Variants in FOXN3 observed in about 807,000 individuals in gnomAD.
The protein encoded by FOXN3 is forkhead box protein N3.
In FOXN3, 7 loss-of-function variants were observed where a neutral mutation model predicts 38.4. The ratio of observed to expected loss-of-function variants is 0.18; its 90% CI spans 0.10 to 0.34. The LOEUF (loss-of-function observed/expected upper bound fraction) is 0.34, where lower values mean the gene tolerates loss of function less well. Among genes scored for constraint, FOXN3 ranks in the 10% least tolerant of loss-of-function variants. The probability of loss-of-function intolerance (pLI) is 1.00; values close to 1 mark genes in which losing one functional copy is unlikely to be tolerated. For missense variants in FOXN3, 456 were observed against 613.4 expected (o/e 0.74, Z 2.71); for synonymous variants, 230 against 242.2 (o/e 0.95, Z 0.47).
intron 4 of FOXN3, among the ~76,000 whole-genome samples, chr14:89,253,940 G>A (rs774411013): frequency 7.9e-5 from 12 of 152,130 alleles, no homozygotes; most frequent in Admixed American, 7.9e-4. Flanking sequence ...GGGATCTATG[G>A]CCATGGCCCA....
At chr14:89,509,786 G>A (rs936318877) in intron 1 of FOXN3, among the ~76,000 whole-genome samples, 2 of 152,240 alleles carry the variant, frequency 1.3e-5, no homozygotes, top group Non-Finnish European at 2.9e-5. Flanking sequence ...ACTGTAAAGT[G>A]CCAACCATCA....
chr14:89,606,722 C>T (rs182867591), intron 1 of FOXN3, among the ~76,000 whole-genome samples: 10 of 152,122 alleles, frequency 6.6e-5, no homozygotes, highest in Non-Finnish European at 1.3e-4. Context: ...TGGTGGCGCA[C>T]GCCTGTAATC....
chr14:89,252,067 C>T (rs1885475631), intron 4 of FOXN3, among the ~76,000 whole-genome samples: 1 of 152,228 alleles, frequency 6.6e-6, no homozygotes, highest in Non-Finnish European at 1.5e-5. Flanking sequence ...GCCACTTTTA[C>T]ACTTGGCCAT....
chr14:89,475,044 G>A (rs973687293), intron 1 of FOXN3, among the ~76,000 whole-genome samples: 12 of 152,056 alleles, frequency 7.9e-5, no homozygotes, highest in African/African-American at 2.9e-4. Flanking sequence ...TCGAACTCCT[G>A]ACCTCGTGAT....
Position 89,360,750 on chromosome 14 carries a change from A to AG in FOXN3, c.544-9943_544-9942insC, listed in dbSNP as rs1889483104. ...CACCACCACCTCCAGCACCACCTCC[A>AG]CCACCACCTCCACCACTACCACCTC... On this transcript the variant is annotated intron_variant, in intron 2 of 5. Coordinates refer to ENST00000557258, the MANE Select transcript of FOXN3 (RefSeq NM_005197.4). Among the ~76,000 whole-genome samples, 6 of 119,902 alleles carry AG rather than the reference A, an allele frequency of 5.0e-5. 1 individual carries two copies. The highest frequency in any genetic ancestry group is 1.1e-4 in the African/African-American group (3 of 27,302). The allele number at this position is 119,902 out of a possible 152,430, so 78.7% of individuals were successfully genotyped here.
intron 1 of FOXN3, among the ~76,000 whole-genome samples, chr14:89,532,224 G>C (rs898055534): frequency 2.0e-5 from 3 of 152,156 alleles, no homozygotes; most frequent in African/African-American, 4.8e-5. Flanking sequence ...ATTTCAAAAG[G>C]TCTGCAATGC....
chr14:89,597,542 G>A (rs142509666), intron 1 of FOXN3, among the ~76,000 whole-genome samples: 174 of 152,250 alleles, frequency 1.1e-3, no homozygotes, highest in African/African-American at 3.8e-3. Context: ...ACCAATTACT[G>A]AGAGGTGTTT....
intron 1 of FOXN3, among the ~76,000 whole-genome samples, chr14:89,529,822 CCT>C (rs1365432616): frequency 4.6e-5 from 7 of 152,154 alleles, no homozygotes; most frequent in African/African-American, 1.4e-4. Context: ...GGGAGGATCC[CCT>C]GAGCCCAGGA....
At chr14:89,278,375 T>C (rs12888262) in intron 4 of FOXN3, among the ~76,000 whole-genome samples, 115,757 of 152,032 alleles carry the variant, frequency 0.76, 44,980 homozygotes, top group East Asian at 0.96. Context: ...GGAGCTACAA[T>C]TCAAGATGAG....
At chr14:89,262,752 A>C (rs1164078758) in intron 4 of FOXN3, among the ~76,000 whole-genome samples, 1 of 152,016 alleles carries the variant, frequency 6.6e-6, no homozygotes, top group Non-Finnish European at 1.5e-5. Context: ...TTTTTTTATT[A>C]CAACACATTC....
intron 4 of FOXN3, among the ~76,000 whole-genome samples, chr14:89,245,719 TCA>T (rs1035692295): frequency 3.3e-5 from 5 of 152,150 alleles, no homozygotes; most frequent in African/African-American, 1.2e-4. Flanking sequence ...GCTTCAAAAT[TCA>T]CATTTTTCCT....
At chr14:89,322,229 C>G (rs1013541133) in intron 3 of FOXN3, among the ~76,000 whole-genome samples, 30 of 152,196 alleles carry the variant, frequency 2.0e-4, no homozygotes, top group African/African-American at 7.0e-4. Flanking sequence ...AATCTCACAG[C>G]TTGAACAGTA....
chr14:89,567,095 G>A (rs10146976), intron 1 of FOXN3, among the ~76,000 whole-genome samples: 40,834 of 152,036 alleles, frequency 0.27, 5,800 homozygotes, highest in East Asian at 0.46. Flanking sequence ...ATCCAGGTGC[G>A]TTCCCTAAAA....
At chr14:89,617,215 A>G (rs936841386) in intron 1 of FOXN3, among the ~76,000 whole-genome samples, 2 of 152,244 alleles carry the variant, frequency 1.3e-5, no homozygotes, top group Non-Finnish European at 2.9e-5. Flanking sequence ...AACTTCTGGG[A>G]CAGTGCTTCT....
chr14:89,559,411 C>A (rs1441649809), intron 1 of FOXN3, among the ~76,000 whole-genome samples: 1 of 152,056 alleles, frequency 6.6e-6, no homozygotes, highest in Non-Finnish European at 1.5e-5. Context: ...GGCGTGGTGG[C>A]TCACGCCTGT....
intron 4 of FOXN3, among the ~76,000 whole-genome samples, chr14:89,248,192 T>C (rs2139874893): frequency 6.6e-6 from 1 of 152,346 alleles, no homozygotes; most frequent in South Asian, 2.1e-4. Context: ...GTCTTCCCAC[T>C]ACACTATAAA....
chr14:89,181,249 T>C (rs1173159319), intron 4 of FOXN3, among the ~76,000 whole-genome samples: 1 of 151,930 alleles, frequency 6.6e-6, no homozygotes, highest in Non-Finnish European at 1.5e-5. Flanking sequence ...TAGTATTTTC[T>C]CACATTTATT....
At chr14:89,406,821 T>C (rs1348040080) in intron 2 of FOXN3, among the ~76,000 whole-genome samples, 1 of 151,578 alleles carries the variant, frequency 6.6e-6, no homozygotes, top group Admixed American at 6.6e-5. Context: ...TACCTTATAA[T>C]CCAGTCTGGA....
At chr14:89,337,237 G>A (rs941112935) in intron 3 of FOXN3, among the ~76,000 whole-genome samples, 1 of 152,124 alleles carries the variant, frequency 6.6e-6, no homozygotes. Context: ...ATAGCATTTG[G>A]GTGACTTTCT....
Sources: gnomAD v4.1 joint callset for allele counts (sites outside exome capture counted in the v4.1 genomes callset) on GRCh38, gnomAD v4.1.1 for gene constraint, MANE v1.5 for transcripts, NCBI Gene and HGNC (gene_info 2026-07-23, HGNC 2026-07-21) for gene names.